Variants in CEP112 observed in about 807,000 individuals in gnomAD.
The protein encoded by CEP112 is centrosomal protein of 112 kDa.
CEP112 carries 127 observed loss-of-function variants against 153.0 expected under a neutral mutation model. That is an observed-to-expected ratio of 0.83 (90% CI 0.72 to 0.96). The LOEUF (loss-of-function observed/expected upper bound fraction) is 0.96. CEP112 is among the 40% of genes least tolerant of loss of function. The pLI is 0.00. For synonymous variants in CEP112, 358 were observed against 374.4 expected, an observed-to-expected ratio of 0.96 and a Z score of 0.51; for missense variants, 1,089 against 1,101.2, an observed-to-expected ratio of 0.99 and a Z score of 0.16.
rs774599354 is a variant in CEP112 at position 65,852,003 on chromosome 17, T to C, written c.2195A>G (p.Lys732Arg). The C allele has an allele frequency of 3.7e-6, 6 of 1,612,266 alleles. No individual in the cohort carries two copies. The highest frequency in any genetic ancestry group is 2.2e-5 in the South Asian group (2 of 90,468). Residue 732 changes from lysine (K) to arginine (R), a missense_variant, in exon 21 of 27, where the codon AAG (lysine) becomes AGG (arginine). By Grantham distance (26) the Lys-to-Arg change is conservative. Transcript: ENST00000535342. ...CACATTGATCAATTCTTCTCTCAAC[T>C]TGTGAACCTGGGCCTCCATGTCGGC... The part of the protein sequence containing the change: ...VIADMEAQVH[K>R]LREELINVNS...
chr17:65,668,710 T>C (rs1006898135), intron 24 of CEP112, among the ~76,000 whole-genome samples: 4 of 152,240 alleles, frequency 2.6e-5, no homozygotes, highest in African/African-American at 9.6e-5. Context: ...TTCTTTTCCA[T>C]GTTTGTTAGA....
chr17:66,012,673 C>T (rs898301470), intron 16 of CEP112, among the ~76,000 whole-genome samples: 4 of 151,984 alleles, frequency 2.6e-5, no homozygotes, highest in South Asian at 2.1e-4. Flanking sequence ...TTTTTTATTT[C>T]GACCTTGGAG....
Position 65,637,199 on chromosome 17 carries a change from C to A in CEP112, c.2800-11G>T. ...TTGCAGAAAATTAACCTAGAAAAGA[C>A]ACCTTGTGTGAGAAGAGGTGGACGT... is the stretch of plus-strand genomic sequence containing the variant. On this transcript the variant is annotated splice_polypyrimidine_tract_variant and intron_variant, in intron 25 of 26. Transcript: ENST00000535342. The A allele has an allele frequency of 6.2e-7, 1 of 1,608,560 alleles. No homozygotes were observed. Among genetic ancestry groups the A allele is most frequent in the Non-Finnish European group, 8.5e-7 (1 of 1,174,974 alleles).
intron 20 of CEP112, among the ~76,000 whole-genome samples, chr17:65,870,571 T>A (rs1376243198): frequency 6.6e-6 from 1 of 152,202 alleles, no homozygotes; most frequent in African/African-American, 2.4e-5. Flanking sequence ...CAGTTGAGAC[T>A]GACTGAATGA....
chr17:66,103,154 G>C (rs1411571078), intron 6 of CEP112, among the ~76,000 whole-genome samples: 1 of 152,068 alleles, frequency 6.6e-6, no homozygotes, highest in Non-Finnish European at 1.5e-5. Context: ...GAACCCAGGA[G>C]GTGAAGGTTG....
At chr17:65,736,916 A>C (rs946060580) in intron 23 of CEP112, among the ~76,000 whole-genome samples, 2 of 152,242 alleles carry the variant, frequency 1.3e-5, no homozygotes, top group African/African-American at 4.8e-5. Context: ...ATCTGATCTA[A>C]AGCCTGGAGT....
At chr17:66,085,420 A>G (rs1390170005) in intron 8 of CEP112, among the ~76,000 whole-genome samples, 1 of 152,176 alleles carries the variant, frequency 6.6e-6, no homozygotes, top group African/African-American at 2.4e-5. Context: ...TAAAATGCAA[A>G]TGTGCCATCC....
intron 17 of CEP112, among the ~76,000 whole-genome samples, chr17:65,975,785 A>C (rs2063011214): frequency 6.6e-6 from 1 of 152,226 alleles, no homozygotes; most frequent in African/African-American, 2.4e-5. Flanking sequence ...ACTCAGGAGG[A>C]GTCCTAATTT....
At chr17:65,952,836 G>T (rs2061881135) in intron 18 of CEP112, among the ~76,000 whole-genome samples, 1 of 152,008 alleles carries the variant, frequency 6.6e-6, no homozygotes, top group South Asian at 2.1e-4. Context: ...ATCTCATTTT[G>T]GTTTTTAATT....
Position 65,713,679 on chromosome 17 carries a change from T to C in CEP112, c.2608-24461A>G, listed in dbSNP as rs554412014. ...TCAGCTCACTGCAAGCTCTGCCTGC[T>C]GGGTTCACACCATTCTCCTGCCTCA... On this transcript the variant is annotated intron_variant, in intron 23 of 26. Coordinates refer to ENST00000535342, the MANE Select transcript of CEP112 (RefSeq NM_001199165.4). Among the ~76,000 whole-genome samples, 4 of 152,298 alleles carry C rather than the reference T, an allele frequency of 2.6e-5. No individual in the cohort carries two copies. The South Asian group carries it at 6.2e-4, about 24-fold the overall frequency.
intron 17 of CEP112, among the ~76,000 whole-genome samples, chr17:65,962,955 A>G (rs887204208): frequency 4.6e-5 from 7 of 152,216 alleles, no homozygotes; most frequent in African/African-American, 1.7e-4. Flanking sequence ...CTAATACAGA[A>G]GTTTATGTCT....
chr17:66,029,840 C>A (rs747774748), intron 13 of CEP112, 29 bp downstream of exon 13: 1 of 1,592,818 alleles, frequency 6.3e-7, no homozygotes, highest in Non-Finnish European at 8.6e-7. Context: ...TATAGCTACA[C>A]CTGATAAATA....
chr17:66,159,926 G>C (rs1469058843), intron 4 of CEP112, among the ~76,000 whole-genome samples: 1 of 151,640 alleles, frequency 6.6e-6, no homozygotes, highest in African/African-American at 2.4e-5. Flanking sequence ...TGACATGACT[G>C]TATATTTAGA....
chr17:65,779,572 T>C (rs1236971791), intron 21 of CEP112, among the ~76,000 whole-genome samples: 1 of 152,168 alleles, frequency 6.6e-6, no homozygotes, highest in Non-Finnish European at 1.5e-5. Flanking sequence ...CTCAAGAAAA[T>C]GGCAAACTAG....
chr17:66,075,359 A>C (rs1025874426), intron 8 of CEP112, among the ~76,000 whole-genome samples: 2 of 152,210 alleles, frequency 1.3e-5, no homozygotes, highest in Non-Finnish European at 2.9e-5. Context: ...CAATATTGAC[A>C]CTAAAAATTG....
At chr17:65,713,962 G>A (rs1407206756) in intron 23 of CEP112, among the ~76,000 whole-genome samples, 3 of 152,070 alleles carry the variant, frequency 2.0e-5, no homozygotes, top group African/African-American at 7.2e-5. Context: ...CTTCTCTCTC[G>A]GTCTGGCCAG....
intron 24 of CEP112, among the ~76,000 whole-genome samples, chr17:65,666,462 C>T (rs895483133): frequency 2.6e-5 from 4 of 152,144 alleles, no homozygotes; most frequent in African/African-American, 7.2e-5. Context: ...GTCCCTTGTG[C>T]TGGGTGAAGC....
In CEP112 at chr17:65,673,365, C is replaced by T. The variant is rs190220987; in HGVS notation, c.2697+15764G>A. Among the ~76,000 whole-genome samples the T allele has an allele frequency of 3.5e-3, 533 of 152,328 alleles. 3 individuals are homozygous for T. Among genetic ancestry groups the T allele is most frequent in the Non-Finnish European group, 3.9e-3 (267 of 68,032 alleles). ...TTGCCACATTTGCCATGTTCTCCTG[C>T]CTCCAGCTGCAGAAAGTTCTCGGCC... On this transcript the variant is annotated intron_variant, in intron 24 of 26. Coordinates refer to ENST00000535342, the MANE Select transcript of CEP112 (RefSeq NM_001199165.4).
intron 23 of CEP112, among the ~76,000 whole-genome samples, chr17:65,714,007 T>C (rs1004459198): frequency 6.6e-6 from 1 of 152,202 alleles, no homozygotes; most frequent in Non-Finnish European, 1.5e-5. Context: ...TTTTCTTTTT[T>C]AGGCCACACT....
Sources: gnomAD v4.1 joint callset for allele counts (sites outside exome capture counted in the v4.1 genomes callset) on GRCh38, gnomAD v4.1.1 for gene constraint, MANE v1.5 for transcripts, NCBI Gene and HGNC (gene_info 2026-07-23, HGNC 2026-07-21) for gene names.